The following WHRN variants were observed in gnomAD, a reference collection of about 807,000 sequenced individuals.
The protein encoded by WHRN is whirlin.
A neutral mutation model predicts 68.3 loss-of-function variants in WHRN; 41 were observed. The ratio of observed to expected loss-of-function variants is 0.60; its 90% confidence interval spans 0.47 to 0.78. The LOEUF is 0.78. Ranked by LOEUF, WHRN falls within the 30% of genes least tolerant of loss-of-function variation. WHRN has a pLI of 0.00. For synonymous variants in WHRN, 560 were observed against 561.3 expected, an observed-to-expected ratio of 1.00 and a Z score of 0.03; for missense variants, 1,243 against 1,244.7, an observed-to-expected ratio of 1.00 and a Z score of 0.02.
chr9:114,457,965 T>C (rs1839948747), intron 3 of WHRN, among the ~76,000 whole-genome samples: 1 of 151,530 alleles, frequency 6.6e-6, no homozygotes, highest in South Asian at 2.1e-4. Context: ...AAGGATTTTC[T>C]GTGTGTGGTT....
intron 9 of WHRN, 50 bp downstream of exon 9, chr9:114,406,305 A>G (rs773411742): frequency 1.2e-6 from 2 of 1,610,560 alleles, no homozygotes; most frequent in Non-Finnish European, 1.7e-6. Context: ...ACTGACCTGA[A>G]GAGGACAGGG....
At chr9:114,427,383 T>C (rs1227667371) in intron 3 of WHRN, among the ~76,000 whole-genome samples, 1 of 152,218 alleles carries the variant, frequency 6.6e-6, no homozygotes. Context: ...CAGGGTATGA[T>C]GGGACCGCAC....
chr9:114,462,044 A>G (rs144058492), intron 3 of WHRN, among the ~76,000 whole-genome samples: 1 of 152,316 alleles, frequency 6.6e-6, no homozygotes, highest in African/African-American at 2.4e-5. Flanking sequence ...GAATGTCCAC[A>G]TCCTTCCACA....
intron 9 of WHRN, among the ~76,000 whole-genome samples, chr9:114,404,826 A>G (rs1834906210): frequency 6.6e-6 from 1 of 152,122 alleles, no homozygotes; most frequent in African/African-American, 2.4e-5. Flanking sequence ...AGAATGGAGC[A>G]GTCCAGGGAA....
chr9:114,436,259 G>C (rs28463632), intron 3 of WHRN, among the ~76,000 whole-genome samples: 2,503 of 152,158 alleles, frequency 0.016, 32 homozygotes, highest in Middle Eastern at 0.051. Context: ...ATTTTTAGAG[G>C]GGTGATACTC....
At chr9:114,471,407 C>A (rs765741489) in intron 2 of WHRN, among the ~76,000 whole-genome samples, 15 of 152,150 alleles carry the variant, frequency 9.9e-5, no homozygotes, top group Admixed American at 8.5e-4. Context: ...CTAAGATTCA[C>A]ATACCCAGCC....
At chr9:114,480,885 G>A (rs768172851) in intron 1 of WHRN, among the ~76,000 whole-genome samples, 9 of 152,146 alleles carry the variant, frequency 5.9e-5, no homozygotes, top group South Asian at 2.1e-4. Flanking sequence ...ACAAAACTGA[G>A]AAGTAATGTG....
At chr9:114,472,883 T>C (rs1841354105) in intron 2 of WHRN, among the ~76,000 whole-genome samples, 1 of 152,200 alleles carries the variant, frequency 6.6e-6, no homozygotes, top group African/African-American at 2.4e-5. Context: ...GGCATGACCA[T>C]CCTCCAATCA....
intron 5 of WHRN, 144 bp downstream of exon 5, chr9:114,424,844 A>G (rs1836670196): frequency 2.1e-6 from 2 of 968,636 alleles, no homozygotes; most frequent in Non-Finnish European, 1.7e-6. Context: ...TCAGTCACAG[A>G]TAAGTGGGCT....
At chr9:114,416,582 T>A (rs539686022) in intron 7 of WHRN, among the ~76,000 whole-genome samples, 1 of 152,310 alleles carries the variant, frequency 6.6e-6, no homozygotes, top group Admixed American at 6.5e-5. Context: ...CTGCTTCCCC[T>A]TCAAACTTCC....
intron 3 of WHRN, among the ~76,000 whole-genome samples, chr9:114,449,899 T>C (rs1564167837): frequency 6.6e-6 from 1 of 152,188 alleles, no homozygotes; most frequent in Non-Finnish European, 1.5e-5. Context: ...TTAGCTCATG[T>C]TGTCTTGACA....
intron 4 of WHRN, 165 bp downstream of exon 4, chr9:114,426,046 G>A: frequency 1.2e-6 from 1 of 816,360 alleles, no homozygotes. Context: ...GAGGCCAAGA[G>A]AGGAGAGGGA....
intron 3 of WHRN, among the ~76,000 whole-genome samples, chr9:114,442,593 T>C (rs117132693): frequency 6.6e-6 from 1 of 152,170 alleles, no homozygotes; most frequent in African/African-American, 2.4e-5. Context: ...GTCTGGGTCA[T>C]GGGGGTGGAT....
Position 114,457,962 on chromosome 9 carries a change from T to G in WHRN, c.963+8305A>C, listed in dbSNP as rs562522738. Among the ~76,000 whole-genome samples, 17 of 152,148 alleles carry G rather than the reference T, an allele frequency of 1.1e-4. No homozygotes were observed. In the South Asian group the frequency reaches 1.2e-3, roughly 11 times the overall value. On this transcript the variant is annotated intron_variant, in intron 3 of 11. Coordinates refer to ENST00000362057, the MANE Select transcript of WHRN (RefSeq NM_015404.4). ...CATGAGTTTAAGCAGAAAAAGGATT[T>G]TCTGTGTGTGGTTTCAAAATATCTC... is the stretch of plus-strand genomic sequence containing the variant.
chr9:114,460,714 A>G (rs892224719), intron 3 of WHRN, among the ~76,000 whole-genome samples: 3 of 152,212 alleles, frequency 2.0e-5, no homozygotes, highest in Non-Finnish European at 4.4e-5. Context: ...CCGTCCTGAC[A>G]TCCCCCGCCC....
intron 3 of WHRN, among the ~76,000 whole-genome samples, chr9:114,432,400 C>T (rs914797635): frequency 6.6e-6 from 1 of 152,230 alleles, no homozygotes; most frequent in Non-Finnish European, 1.5e-5. Context: ...AGCCCTCTTA[C>T]TCTCCAAGAG....
At chr9:114,489,939 T>C (rs1842844725) in intron 1 of WHRN, among the ~76,000 whole-genome samples, 1 of 152,192 alleles carries the variant, frequency 6.6e-6, no homozygotes, top group African/African-American at 2.4e-5. Context: ...TAAACAAAAG[T>C]CCAAAAATTG....
intron 3 of WHRN, among the ~76,000 whole-genome samples, chr9:114,433,325 C>T (rs7028265): frequency 0.43 from 65,657 of 152,016 alleles, 15,705 homozygotes; most frequent in African/African-American, 0.65. Flanking sequence ...AACCTGATCC[C>T]GAGGCTGAGC....
intron 1 of WHRN, among the ~76,000 whole-genome samples, chr9:114,484,245 T>C (rs1258689013): frequency 1.3e-5 from 2 of 152,194 alleles, no homozygotes; most frequent in African/African-American, 2.4e-5. Context: ...TTGCTCTTTG[T>C]AGGAAGCTGC....
Sources: gnomAD v4.1 joint callset for allele counts (sites outside exome capture counted in the v4.1 genomes callset) on GRCh38, gnomAD v4.1.1 for gene constraint, MANE v1.5 for transcripts, NCBI Gene and HGNC (gene_info 2026-07-23, HGNC 2026-07-21) for gene names.